The following OTUD7A variants were observed in gnomAD, a reference collection of about 807,000 sequenced individuals.
OTUD7A encodes the protein OTU deubiquitinase 7A, also known as OTU domain-containing protein 7A.
Under a neutral mutation model 65.7 loss-of-function variants are expected in OTUD7A, and 12 were observed. That is an observed-to-expected ratio of 0.18 (90% CI 0.12 to 0.30). The LOEUF is 0.30. Ranked by LOEUF, OTUD7A falls within the 10% of genes least tolerant of loss-of-function variation. OTUD7A has a pLI of 1.00. For synonymous variants in OTUD7A, 641 were observed against 586.3 expected (o/e 1.09, Z -1.35); for missense variants, 1,148 against 1,304.8 (o/e 0.88, Z 1.85).
At chr15:31,639,342 T>C (rs1406177663) in intron 3 of OTUD7A, among the ~76,000 whole-genome samples, 1 of 151,046 alleles carries the variant, frequency 6.6e-6, no homozygotes, top group African/African-American at 2.5e-5. Context: ...TTATCAATAA[T>C]TCACTCCTTT....
chr15:31,578,709 G>A (rs1483483001), intron 3 of OTUD7A, among the ~76,000 whole-genome samples: 5 of 152,036 alleles, frequency 3.3e-5, no homozygotes, highest in African/African-American at 1.2e-4. Flanking sequence ...CTGCCACTAC[G>A]CCCAGCTACT....
At chr15:31,694,252 TG>T (rs1410158155) in intron 1 of OTUD7A, among the ~76,000 whole-genome samples, 1 of 152,146 alleles carries the variant, frequency 6.6e-6, no homozygotes, top group Admixed American at 6.5e-5. Context: ...ATCCCTCGGC[TG>T]GGGGCCTCCT....
chr15:31,787,013 A>G (rs1304809014), intron 1 of OTUD7A, among the ~76,000 whole-genome samples: 1 of 152,226 alleles, frequency 6.6e-6, no homozygotes, highest in Non-Finnish European at 1.5e-5. Flanking sequence ...TAGTGGAGAC[A>G]CTGAAAGGGG....
intron 1 of OTUD7A, among the ~76,000 whole-genome samples, chr15:31,841,963 T>C (rs1206853729): frequency 6.6e-6 from 1 of 152,190 alleles, no homozygotes; most frequent in Non-Finnish European, 1.5e-5. Context: ...CCACCCATGC[T>C]CTAGAATGTC....
At position 31,476,193 on chromosome 15, in the gene OTUD7A, A is replaced by C. The variant is rs1487173765; in HGVS notation, c.*7101T>G. 6.6e-6 allele frequency: 1 copy of C among 152,272 alleles called. No individual in the cohort carries two copies. Among genetic ancestry groups the C allele is most frequent in the Admixed American group, 6.5e-5 (1 of 15,290 alleles). The allele number at this position is 152,272 out of a possible 1,614,324, so 9.4% of individuals were successfully genotyped here. A position where few individuals can be genotyped will look rare whatever the true frequency, so the allele number is the denominator to read the frequency against. On this transcript the variant is annotated 3_prime_UTR_variant, in exon 13 of 13. Coordinates refer to ENST00000307050, the MANE Select transcript of OTUD7A (RefSeq NM_001382637.1). ...CCTTTCCCACCTGGGGGCCCAGGGA[A>C]GACAAGCTCCTACTGAACGGTGACT...
intron 1 of OTUD7A, among the ~76,000 whole-genome samples, chr15:31,777,175 C>A (rs1252765242): frequency 6.6e-6 from 1 of 152,124 alleles, no homozygotes; most frequent in Admixed American, 6.5e-5. Flanking sequence ...CTGGTTCATA[C>A]ACGGTGACTT....
chr15:31,637,495 T>G (rs985247087), intron 3 of OTUD7A, among the ~76,000 whole-genome samples: 1 of 152,246 alleles, frequency 6.6e-6, no homozygotes, highest in African/African-American at 2.4e-5. Context: ...CGTCTGCTAA[T>G]ACAACATCCA....
chr15:31,559,742 G>A (rs1193907475), intron 4 of OTUD7A, among the ~76,000 whole-genome samples: 1 of 152,022 alleles, frequency 6.6e-6, no homozygotes, highest in Non-Finnish European at 1.5e-5. Context: ...TACACATATA[G>A]ATGTATTTGC....
intron 1 of OTUD7A, among the ~76,000 whole-genome samples, chr15:31,862,911 C>T (rs1373423485): frequency 1.3e-5 from 2 of 152,166 alleles, no homozygotes; most frequent in African/African-American, 4.8e-5. Flanking sequence ...GCCTATGAGC[C>T]TGTAAAATCA....
intron 5 of OTUD7A, chr15:31,557,542 C>A (rs555320370): frequency 1.6e-4 from 25 of 152,352 alleles, no homozygotes; most frequent in African/African-American, 6.0e-4. Flanking sequence ...TCTTCTCTCT[C>A]CCGGATGCCA....
intron 1 of OTUD7A, among the ~76,000 whole-genome samples, chr15:31,818,771 G>C (rs927003778): frequency 6.6e-6 from 1 of 152,240 alleles, no homozygotes; most frequent in African/African-American, 2.4e-5. Flanking sequence ...AAGCATTACA[G>C]AACTCATGGT....
intron 5 of OTUD7A, among the ~76,000 whole-genome samples, chr15:31,543,310 T>C (rs896978311): frequency 6.6e-6 from 1 of 151,844 alleles, no homozygotes; most frequent in African/African-American, 2.4e-5. Flanking sequence ...ACTTCAAAAC[T>C]TGTAGAATTT....
intron 1 of OTUD7A, among the ~76,000 whole-genome samples, chr15:31,852,861 A>AT (rs1897465753): frequency 1.3e-5 from 2 of 152,286 alleles, no homozygotes; most frequent in South Asian, 4.1e-4. Context: ...AGCAGTAAGA[A>AT]TTCATTCAAG....
At chr15:31,701,137 G>A (rs1893204363) in intron 1 of OTUD7A, among the ~76,000 whole-genome samples, 1 of 152,154 alleles carries the variant, frequency 6.6e-6, no homozygotes, top group South Asian at 2.1e-4. Flanking sequence ...AGCGACTAAT[G>A]AGACATAATA....
At chr15:31,778,055 A>G (rs1271658173) in intron 1 of OTUD7A, among the ~76,000 whole-genome samples, 2 of 152,128 alleles carry the variant, frequency 1.3e-5, no homozygotes, top group Admixed American at 1.3e-4. Context: ...ATCAGTCTCC[A>G]GAAGAGGCCT....
intron 1 of OTUD7A, among the ~76,000 whole-genome samples, chr15:31,865,508 G>C (rs913939088): frequency 2.0e-5 from 3 of 152,210 alleles, no homozygotes; most frequent in Non-Finnish European, 4.4e-5. Context: ...CTAACCCTAA[G>C]CTTACTGTAA....
chr15:31,572,546 T>A (rs1480993786), intron 3 of OTUD7A, among the ~76,000 whole-genome samples: 2 of 152,222 alleles, frequency 1.3e-5, no homozygotes, highest in Non-Finnish European at 2.9e-5. Context: ...CATTTGATTT[T>A]TTTTCATTGT....
At chr15:31,865,911 C>G (rs1019708273) in intron 1 of OTUD7A, among the ~76,000 whole-genome samples, 8 of 152,190 alleles carry the variant, frequency 5.3e-5, no homozygotes, top group African/African-American at 9.6e-5. Context: ...AATACTGCAT[C>G]TTACTCATGT....
intron 1 of OTUD7A, among the ~76,000 whole-genome samples, chr15:31,684,004 A>T (rs1892780389): frequency 6.6e-6 from 1 of 152,220 alleles, no homozygotes; most frequent in Admixed American, 6.5e-5. Context: ...TTGGCTCAAG[A>T]CCAAATAAGA....
Sources: gnomAD v4.1 joint callset for allele counts (sites outside exome capture counted in the v4.1 genomes callset) on GRCh38, gnomAD v4.1.1 for gene constraint, MANE v1.5 for transcripts, NCBI Gene and HGNC (gene_info 2026-07-23, HGNC 2026-07-21) for gene names.